The following PAPPA2 variants were observed in gnomAD, a reference collection of about 807,000 sequenced individuals.
PAPPA2 encodes the protein pappalysin 2.
In PAPPA2, 86 loss-of-function variants were observed where a neutral mutation model predicts 176.4. That is an observed-to-expected ratio of 0.49 (90% CI 0.41 to 0.58). The LOEUF is 0.58. PAPPA2 is among the 20% of genes least tolerant of loss of function. PAPPA2 has a pLI of 0.00. For missense variants in PAPPA2, 2,073 were observed against 2,256.9 expected (o/e 0.92, Z 1.65); for synonymous variants, 809 against 852.2 (o/e 0.95, Z 0.88).
chr1:176,793,479 A>G, intron 19 of PAPPA2, 81 bp from the exon 20 acceptor site: 1 of 1,235,742 alleles, frequency 8.1e-7, no homozygotes, highest in South Asian at 1.3e-5. Flanking sequence ...TTCTTTAAAA[A>G]CTCAAAGCTA....
chr1:176,574,462 C>T (rs1164547345), intron 2 of PAPPA2, among the ~76,000 whole-genome samples: 2 of 152,000 alleles, frequency 1.3e-5, no homozygotes, highest in Non-Finnish European at 2.9e-5. Flanking sequence ...TCTAGCCCCA[C>T]CATTTGATTT....
rs73048119 is a variant in PAPPA2 at position 176,765,380 on chromosome 1, A to G, written c.4152-286A>G. On this transcript the variant is annotated intron_variant, in intron 14 of 22. Coordinates refer to ENST00000367662, the MANE Select transcript of PAPPA2 (RefSeq NM_020318.3). ...TGATCTATTCATTTCTGAGCCACAC[A>G]GAACTCTCAGAATCTGTTCTCCACC... 3.3e-3 allele frequency among the ~76,000 whole-genome samples: 498 copies of G among 152,340 alleles called. 2 individuals are homozygous for G. The highest frequency in any genetic ancestry group is 7.9e-3 in the African/African-American group (330 of 41,586).
chr1:176,806,207 G>T (rs1280183987), intron 21 of PAPPA2, among the ~76,000 whole-genome samples: 2 of 152,084 alleles, frequency 1.3e-5, no homozygotes, highest in Admixed American at 1.3e-4. Flanking sequence ...GCATACCTTT[G>T]TAGATGCCTA....
chr1:176,763,519 C>T (rs1663793534), intron 14 of PAPPA2, among the ~76,000 whole-genome samples: 1 of 152,176 alleles, frequency 6.6e-6, no homozygotes, highest in African/African-American at 2.4e-5. Context: ...ACTGACTTTG[C>T]TCTCTATAAC....
intron 1 of PAPPA2, among the ~76,000 whole-genome samples, chr1:176,500,914 A>G (rs762308452): frequency 1.3e-5 from 2 of 152,062 alleles, no homozygotes; most frequent in African/African-American, 2.4e-5. Flanking sequence ...GCCTTAGCAA[A>G]TTGGTTTTCC....
intron 3 of PAPPA2, chr1:176,616,757 T>C: frequency 8.4e-7 from 1 of 1,188,832 alleles, no homozygotes; most frequent in South Asian, 1.2e-5. Flanking sequence ...TGTATGTGAC[T>C]TTCACAGGAG....
chr1:176,630,970 G>A (rs575428823), intron 3 of PAPPA2, among the ~76,000 whole-genome samples: 1 of 152,266 alleles, frequency 6.6e-6, no homozygotes, highest in South Asian at 2.1e-4. Context: ...AATTGGTGAG[G>A]GTTTATATTA....
intron 2 of PAPPA2, among the ~76,000 whole-genome samples, chr1:176,592,051 A>C (rs1653699702): frequency 6.6e-6 from 1 of 152,190 alleles, no homozygotes; most frequent in Non-Finnish European, 1.5e-5. Context: ...GTATTTGTGA[A>C]AGCTTCACAT....
chr1:176,624,551 ACTCTCAT>A (rs1464849764), intron 3 of PAPPA2, among the ~76,000 whole-genome samples: 1 of 151,824 alleles, frequency 6.6e-6, no homozygotes, highest in African/African-American at 2.4e-5. Flanking sequence ...CTATCATTCT[ACTCTCAT>A]CTCTCATCAT....
chr1:176,465,821 C>T (rs1651594223), intron 1 of PAPPA2, among the ~76,000 whole-genome samples: 1 of 152,034 alleles, frequency 6.6e-6, no homozygotes, highest in African/African-American at 2.4e-5. Context: ...CGGTAGGCCC[C>T]AGTGTGTGTT....
chr1:176,819,404 T>C lies in PAPPA2; in HGVS notation c.5202+19272T>C, dbSNP rs567274484. 2.0e-5 allele frequency among the ~76,000 whole-genome samples: 3 copies of C among 152,264 alleles called. No individual in the cohort carries two copies. In the East Asian group the frequency reaches 5.8e-4, roughly 29 times the overall value. On this transcript the variant is annotated intron_variant, in intron 21 of 22. Transcript: ENST00000367662. ...GATGAGGAAGTTTGGTCTCTGAGGG[T>C]CTCTTCAGCTATTTGAAGGCTGTTT... is the stretch of plus-strand genomic sequence containing the variant.
At chr1:176,692,408 C>G (rs1243429162) in intron 6 of PAPPA2, 90 bp downstream of exon 6, 111 of 1,318,888 alleles carry the variant, frequency 8.4e-5, no homozygotes, top group Non-Finnish European at 3.2e-6. Context: ...CAGGGGAACT[C>G]CAATTTGGAA....
rs373428470 is a variant in PAPPA2, at chr1:176,566,379, G to A, written c.919+9138G>A. 3.7e-4 allele frequency among the ~76,000 whole-genome samples: 56 copies of A among 152,298 alleles called. No individual in the cohort carries two copies. In the South Asian group the frequency reaches 8.1e-3, roughly 22 times the overall value. Reference sequence around the variant, plus strand: ...ACTCCAGCTTCAGTGCCTGGCACCTGTTACTGCCTTTCCTCTCCTCATTCC... The same window carrying A: ...ACTCCAGCTTCAGTGCCTGGCACCTATTACTGCCTTTCCTCTCCTCATTCC... On this transcript the variant is annotated intron_variant, in intron 2 of 22. Coordinates refer to ENST00000367662, the MANE Select transcript of PAPPA2 (RefSeq NM_020318.3).
intron 1 of PAPPA2, among the ~76,000 whole-genome samples, chr1:176,526,687 C>G (rs902547338): frequency 4.6e-5 from 7 of 152,202 alleles, no homozygotes; most frequent in Non-Finnish European, 7.3e-5. Flanking sequence ...TGTTCCACAC[C>G]TCTGCAACTG....
chr1:176,754,788 T>G (rs73048111), intron 14 of PAPPA2, among the ~76,000 whole-genome samples: 1 of 152,330 alleles, frequency 6.6e-6, no homozygotes, highest in South Asian at 2.1e-4. Context: ...TTTCCAAGGT[T>G]CTGTCATTTT....
chr1:176,680,620 A>G (rs2102789647), intron 4 of PAPPA2, among the ~76,000 whole-genome samples: 1 of 152,348 alleles, frequency 6.6e-6, no homozygotes, highest in Non-Finnish European at 1.5e-5. Flanking sequence ...CAGCATTGAA[A>G]CTAACCTAAG....
At chr1:176,682,251 G>A (rs1659620053) in intron 4 of PAPPA2, among the ~76,000 whole-genome samples, 1 of 152,176 alleles carries the variant, frequency 6.6e-6, no homozygotes, top group Admixed American at 6.5e-5. Flanking sequence ...ACAGGTAGAG[G>A]AACCCACAGA....
chr1:176,541,167 T>G (rs531995753), intron 1 of PAPPA2, among the ~76,000 whole-genome samples: 2 of 152,306 alleles, frequency 1.3e-5, no homozygotes, highest in Non-Finnish European at 2.9e-5. Flanking sequence ...CATCTGTGTA[T>G]ATATAGGGGA....
intron 3 of PAPPA2, among the ~76,000 whole-genome samples, chr1:176,623,740 CTCT>C (rs1655814412): frequency 2.2e-5 from 2 of 92,362 alleles, no homozygotes; most frequent in East Asian, 6.0e-4. Flanking sequence ...TTCTTTCTTT[CTCT>C]CTCTTTCCTT....
Sources: gnomAD v4.1 joint callset for allele counts (sites outside exome capture counted in the v4.1 genomes callset) on GRCh38, gnomAD v4.1.1 for gene constraint, MANE v1.5 for transcripts, NCBI Gene and HGNC (gene_info 2026-07-23, HGNC 2026-07-21) for gene names.